The following MAB21L3 variants were observed in gnomAD, a reference collection of about 807,000 sequenced individuals.
MAB21L3 encodes mab-21 like 3, also known as protein mab-21-like 3.
A neutral mutation model predicts 37.7 loss-of-function variants in MAB21L3; 36 were observed. The observed-to-expected ratio is 0.96, with a 90% confidence interval of 0.73 to 1.26. The LOEUF (loss-of-function observed/expected upper bound fraction) is 1.26, where lower values mean the gene tolerates loss of function less well. Among genes scored for constraint, MAB21L3 ranks in the 50% most tolerant of loss-of-function variants. MAB21L3 has a pLI of 0.00. For synonymous variants in MAB21L3, 186 were observed against 176.8 expected, an observed-to-expected ratio of 1.05 and a Z score of -0.41; for missense variants, 430 against 447.3, an observed-to-expected ratio of 0.96 and a Z score of 0.35.
rs1206092279 is a variant in MAB21L3, at chr1:116,135,272, G to A, written c.*1907G>A. ...AAAAAGAGAGAAGAATCAAATAGAT[G>A]CAATAAAAAATGATAAAGGGGATAT... On this transcript the variant is annotated 3_prime_UTR_variant, in exon 8 of 8. Transcript: ENST00000369500. 1 of 151,928 alleles carries A rather than the reference G, an allele frequency of 6.6e-6. No individual in the cohort carries two copies. Among genetic ancestry groups the A allele is most frequent in the Non-Finnish European group, 1.5e-5 (1 of 67,996 alleles). The allele number at this position is 151,928 out of a possible 1,614,324, so 9.4% of individuals were successfully genotyped here.
intron 3 of MAB21L3, among the ~76,000 whole-genome samples, chr1:116,116,056 T>G (rs1659578056): frequency 6.6e-6 from 1 of 152,116 alleles, no homozygotes; most frequent in Non-Finnish European, 1.5e-5. Flanking sequence ...GGTGTCTACT[T>G]GTGTTAGAGC....
rs77285155 is a variant in MAB21L3 at position 116,118,885 on chromosome 1, C to T, written c.49-2047C>T. 5.4e-4 allele frequency among the ~76,000 whole-genome samples: 82 copies of T among 152,262 alleles called. 2 individuals carry two copies. In the East Asian group the frequency reaches 0.014, roughly 26 times the overall value. ...CAACCTCCAAACTGGATGAAGTATC[C>T]GTTTTCTATGTATCCATAGCATCTG... On this transcript the variant is annotated intron_variant, in intron 3 of 7. Transcript: ENST00000369500.
intron 7 of MAB21L3, among the ~76,000 whole-genome samples, chr1:116,132,808 C>T (rs766215299): frequency 2.0e-5 from 3 of 152,048 alleles, no homozygotes; most frequent in Non-Finnish European, 2.9e-5. Context: ...AGGTGGGTGC[C>T]GCAGTAGGCA....
chr1:116,133,539 T>C lies in MAB21L3; in HGVS notation c.*174T>C. 1.6e-6 allele frequency: 1 copy of C among 643,282 alleles called. No homozygotes were observed. Among genetic ancestry groups the C allele is most frequent in the Non-Finnish European group, 2.7e-6 (1 of 374,032 alleles). The allele number at this position is 643,282 out of a possible 1,614,324, so 39.8% of individuals were successfully genotyped here. A position where few individuals can be genotyped will look rare whatever the true frequency, so the allele number is the denominator to read the frequency against. Reference sequence around the variant, plus strand: ...AGGGGGAAAACTGTGCCCCAGGATGTCTGGCCCAGGCCTCCCTGGAGCCCA... The same window carrying C: ...AGGGGGAAAACTGTGCCCCAGGATGCCTGGCCCAGGCCTCCCTGGAGCCCA... On this transcript the variant is annotated 3_prime_UTR_variant, in exon 8 of 8. Coordinates refer to ENST00000369500, the MANE Select transcript of MAB21L3 (RefSeq NM_152367.3).
chr1:116,112,477 CAT>C lies in MAB21L3; in HGVS notation c.-138_-137del. On this transcript the variant is annotated 5_prime_UTR_variant, in exon 3 of 8. The change abolishes the stop of an existing upstream ORF in the 5' untranslated region. Coordinates refer to ENST00000369500, the MANE Select transcript of MAB21L3 (RefSeq NM_152367.3). Reference sequence around the variant, plus strand: ...GGGTTCGGAAGGCAAGTCTCTGGTCCATTACACACTTCCAGAAAAACTTAGTA... The same window carrying C: ...GGGTTCGGAAGGCAAGTCTCTGGTCCTACACACTTCCAGAAAAACTTAGTA... The C allele has an allele frequency of 3.0e-6, 2 of 662,702 alleles. No individual in the cohort carries two copies. Among genetic ancestry groups the C allele is most frequent in the Non-Finnish European group, 5.2e-6 (2 of 381,228 alleles). 41.1% of individuals were successfully genotyped at this position (662,702 alleles called of 1,614,324 possible). A position where few individuals can be genotyped will look rare whatever the true frequency, so the allele number is the denominator to read the frequency against.
chr1:116,114,206 A>G (rs1327102620), intron 3 of MAB21L3, among the ~76,000 whole-genome samples: 1 of 152,186 alleles, frequency 6.6e-6, no homozygotes, highest in Non-Finnish European at 1.5e-5. Flanking sequence ...CTTACATGTC[A>G]TATCATTTCA....
chr1:116,128,904 C>A (rs1659988847), intron 7 of MAB21L3, among the ~76,000 whole-genome samples: 1 of 152,222 alleles, frequency 6.6e-6, no homozygotes, highest in Non-Finnish European at 1.5e-5. Context: ...TCTTCCCTTG[C>A]TCTGCCAGCC....
intron 5 of MAB21L3, among the ~76,000 whole-genome samples, chr1:116,126,226 C>T (rs1221200576): frequency 6.6e-6 from 1 of 152,104 alleles, no homozygotes; most frequent in Non-Finnish European, 1.5e-5. Context: ...CTGATCTATT[C>T]AAGACTGCTT....
At chr1:116,112,795 C>A in intron 3 of MAB21L3, 132 bp downstream of exon 3, 1 of 861,842 alleles carries the variant, frequency 1.2e-6, no homozygotes, top group Non-Finnish European at 1.9e-6. Flanking sequence ...CAGACTGTCA[C>A]CTATAACAAT....
chr1:116,121,974 A>G (rs540187186), intron 4 of MAB21L3, among the ~76,000 whole-genome samples: 2 of 152,264 alleles, frequency 1.3e-5, no homozygotes, highest in African/African-American at 2.4e-5. Context: ...GTATGTATTC[A>G]TGGCCCATTT....
intron 5 of MAB21L3, among the ~76,000 whole-genome samples, 173 bp downstream of exon 5, chr1:116,124,530 G>C (rs1659842590): frequency 6.6e-6 from 1 of 152,120 alleles, no homozygotes; most frequent in Admixed American, 6.5e-5. Context: ...TCCTGCTGTT[G>C]ATGCACAGAA....
At position 116,128,198 on chromosome 1, in the gene MAB21L3, C is replaced by A. The variant is rs1362926327; in HGVS notation, c.714C>A (p.Phe238Leu). 3.7e-6 allele frequency: 6 copies of A among 1,609,598 alleles called. No homozygotes were observed. The highest frequency in any genetic ancestry group is 4.2e-6 in the Non-Finnish European group (5 of 1,177,678). Residue 238 changes from phenylalanine (F) to leucine (L), a missense_variant, in exon 7 of 8, where the codon TTC becomes TTA. By Grantham distance (22) the Phe-to-Leu change is conservative (BLOSUM62 0). Coordinates refer to ENST00000369500, the MANE Select transcript of MAB21L3 (RefSeq NM_152367.3). ...CAAATTATCACTGGCAGCTGAGCTTCCTCCGTGCTGAGCAGGTGTTACTGG... is the reference window on the plus strand; with the variant it reads ...CAAATTATCACTGGCAGCTGAGCTTACTCCGTGCTGAGCAGGTGTTACTGG... ...ACSNYHWQLSFLRAEQVLLEQ... is the reference protein window; with the variant it reads ...ACSNYHWQLSLLRAEQVLLEQ...
chr1:116,112,325 A>C (rs1659444231), intron 2 of MAB21L3, 82 bp from the exon 3 acceptor site: 2 of 294,478 alleles, frequency 6.8e-6, no homozygotes, highest in Non-Finnish European at 1.3e-5. Context: ...AATGTAGCTA[A>C]CTAAGGTATG....
chr1:116,125,235 G>A (rs1054626395), intron 5 of MAB21L3, among the ~76,000 whole-genome samples: 28 of 152,194 alleles, frequency 1.8e-4, no homozygotes, highest in Non-Finnish European at 3.2e-4. Flanking sequence ...GTTATTAGAA[G>A]TGTAAATTGG....
chr1:116,135,716 G>A lies in MAB21L3; in HGVS notation c.*2351G>A, dbSNP rs1386185990. The stretch of plus-strand genomic sequence containing the variant: ...ACCAATATCCTTGTTGAACATTGAT[G>A]CAAAAATCCTCAGTAAAATTCTGGC... On this transcript the variant is annotated 3_prime_UTR_variant, in exon 8 of 8. Transcript: ENST00000369500. Among the ~76,000 whole-genome samples, 4 of 152,206 alleles carry A rather than the reference G, an allele frequency of 2.6e-5. No individual in the cohort carries two copies. Among genetic ancestry groups the A allele is most frequent in the African/African-American group, 7.2e-5 (3 of 41,452 alleles).
chr1:116,126,897 GA>G (rs1659922349), intron 5 of MAB21L3, among the ~76,000 whole-genome samples: 2 of 152,132 alleles, frequency 1.3e-5, no homozygotes. Flanking sequence ...TGAATTCCAT[GA>G]GATATTCAAC....
At chr1:116,127,198 T>C (rs569274767) in intron 5 of MAB21L3, among the ~76,000 whole-genome samples, 2 of 152,196 alleles carry the variant, frequency 1.3e-5, no homozygotes, top group Non-Finnish European at 2.9e-5. Flanking sequence ...CCAAATGCCT[T>C]GGGGTTGGGG....
intron 2 of MAB21L3, among the ~76,000 whole-genome samples, chr1:116,112,139 A>C (rs1659439210): frequency 6.6e-6 from 1 of 152,172 alleles, no homozygotes; most frequent in African/African-American, 2.4e-5. Flanking sequence ...TACTGTCAAC[A>C]GGATAAGGAC....
At position 116,135,565 on chromosome 1, in the gene MAB21L3, A is replaced by G. The variant is rs1291457264; in HGVS notation, c.*2200A>G. Among the ~76,000 whole-genome samples the G allele has an allele frequency of 6.6e-6, 1 of 152,246 alleles. No individual in the cohort carries two copies. Among genetic ancestry groups the G allele is most frequent in the Non-Finnish European group, 1.5e-5 (1 of 68,048 alleles). On this transcript the variant is annotated 3_prime_UTR_variant, in exon 8 of 8. Transcript: ENST00000369500. The stretch of plus-strand genomic sequence containing the variant: ...ACCAGAGGTACAAGGAGGAACTAGT[A>G]CCATTCCTTCTGAAACTATTCCAAT...
Sources: allele counts gnomAD v4.1 joint callset (sites outside exome capture counted in the v4.1 genomes callset), GRCh38; gene constraint gnomAD v4.1.1; transcripts MANE v1.5; gene names NCBI Gene and HGNC (gene_info 2026-07-23, HGNC 2026-07-21).